The following ECE1 variants were observed in gnomAD, a reference collection of about 807,000 sequenced individuals.
ECE1 encodes the protein endothelin converting enzyme 1, also known as endothelin-converting enzyme 1.
ECE1 carries 35 observed loss-of-function variants against 98.6 expected under a neutral mutation model. The observed-to-expected ratio is 0.35, with a 90% confidence interval of 0.27 to 0.47. ECE1 has a LOEUF of 0.47. ECE1 is among the 20% of genes least tolerant of loss of function. The pLI, the probability that ECE1 is intolerant of heterozygous loss-of-function variation, is 1.00. For synonymous variants in ECE1, 394 were observed against 407.1 expected (o/e 0.97, Z 0.39); for missense variants, 814 against 1,025.3 (o/e 0.79, Z 2.81).
chr1:21,280,797 G>A (rs780367016), intron 2 of ECE1, among the ~76,000 whole-genome samples: 2 of 152,174 alleles, frequency 1.3e-5, no homozygotes, highest in Non-Finnish European at 2.9e-5. Flanking sequence ...CGTGGCCATG[G>A]TTAGGTATTT....
chr1:21,329,635 G>A (rs900918023), intron 1 of ECE1, among the ~76,000 whole-genome samples: 2 of 152,142 alleles, frequency 1.3e-5, no homozygotes, highest in South Asian at 2.1e-4. Context: ...TCATGTGCTC[G>A]GGGCAAACAG....
chr1:21,312,558 T>C (rs1333307377), intron 1 of ECE1, among the ~76,000 whole-genome samples: 6 of 152,192 alleles, frequency 3.9e-5, no homozygotes, highest in Non-Finnish European at 8.8e-5. Context: ...TCAAGGTTAC[T>C]GTGAGCTATG....
At chr1:21,277,365 A>G (rs1347585893) in intron 3 of ECE1, among the ~76,000 whole-genome samples, 1 of 152,162 alleles carries the variant, frequency 6.6e-6, no homozygotes, top group Non-Finnish European at 1.5e-5. Flanking sequence ...ATATCTTTGG[A>G]GCTCCGAGGG....
At chr1:21,304,954 C>T (rs999603352) in intron 1 of ECE1, among the ~76,000 whole-genome samples, 3 of 152,160 alleles carry the variant, frequency 2.0e-5, no homozygotes, top group Admixed American at 6.5e-5. Context: ...AAAATCAGCC[C>T]GGTCCCATCC....
chr1:21,302,474 C>T (rs1447287648), intron 1 of ECE1, among the ~76,000 whole-genome samples: 1 of 152,144 alleles, frequency 6.6e-6, no homozygotes, highest in African/African-American at 2.4e-5. Context: ...TAGGAAAATC[C>T]GTTAATAATG....
intron 1 of ECE1, among the ~76,000 whole-genome samples, chr1:21,336,273 C>A (rs143929848): frequency 0.014 from 2,120 of 152,238 alleles, 32 homozygotes; most frequent in Middle Eastern, 0.037. Flanking sequence ...ACCAGCTACT[C>A]AGGAGGCTGA....
intron 4 of ECE1, among the ~76,000 whole-genome samples, chr1:21,269,203 A>C (rs555525479): frequency 6.6e-6 from 1 of 152,368 alleles, no homozygotes; most frequent in East Asian, 1.9e-4. Flanking sequence ...GAGGTCCCAC[A>C]GCTCTGGGTC....
chr1:21,301,474 G>A (rs1254906192), intron 1 of ECE1, among the ~76,000 whole-genome samples: 6 of 151,530 alleles, frequency 4.0e-5, no homozygotes, highest in African/African-American at 1.2e-4. Context: ...CAGCCTGGGC[G>A]ACAGCGAGAC....
intron 12 of ECE1, among the ~76,000 whole-genome samples, chr1:21,236,425 C>G (rs212502): frequency 0.15 from 23,262 of 152,224 alleles, 4,179 homozygotes; most frequent in African/African-American, 0.44. Context: ...CAAGGCGGGT[C>G]GATCACCTGA....
At chr1:21,236,877 G>C in intron 11 of ECE1, 33 bp from the exon 12 acceptor site, 1 of 1,584,688 alleles carries the variant, frequency 6.3e-7, no homozygotes, top group East Asian at 2.2e-5. Context: ...AGTAAGGTCT[G>C]CGCACTGGTC....
chr1:21,337,100 C>T (rs1639318586), intron 1 of ECE1, among the ~76,000 whole-genome samples: 2 of 152,176 alleles, frequency 1.3e-5, no homozygotes, highest in Admixed American at 1.3e-4. Context: ...AGGAGTTGCA[C>T]TCCTAAGTAT....
intron 2 of ECE1, 190 bp from the exon 3 acceptor site, chr1:21,279,522 C>T (rs2098251920): frequency 2.6e-5 from 38 of 1,460,746 alleles, no homozygotes; most frequent in Non-Finnish European, 3.4e-5. Context: ...CTCAGCTGCT[C>T]GGATCTGCTC....
intron 4 of ECE1, among the ~76,000 whole-genome samples, chr1:21,271,851 G>A (rs1211725648): frequency 1.3e-5 from 2 of 152,186 alleles, no homozygotes; most frequent in South Asian, 2.1e-4. Flanking sequence ...GTGCAAGCCC[G>A]ATCACCGTGA....
intron 1 of ECE1, among the ~76,000 whole-genome samples, chr1:21,295,740 G>A (rs1336545743): frequency 6.6e-6 from 1 of 152,082 alleles, no homozygotes; most frequent in East Asian, 1.9e-4. Flanking sequence ...ATTGCATGTC[G>A]TTTTACTGAA....
Position 21,220,188 on chromosome 1 carries a change from A to G in ECE1, c.2137-57T>C. The G allele has an allele frequency of 6.4e-7, 1 of 1,560,490 alleles. No homozygotes were observed. ...CACTGTGGGGCCCTCGGGCTGCCAG[A>G]CTGCCCCCATTATAACAGCAGGGGA... On this transcript the variant is annotated intron_variant, in intron 18 of 18. Coordinates refer to ENST00000374893, the MANE Select transcript of ECE1 (RefSeq NM_001397.3). The surrounding 1 kb of genome is among the most constrained non-coding windows in gnomAD (Gnocchi z 5.0).
rs1315501356 is a variant in ECE1, at chr1:21,322,982, C to A, written c.3+22394G>T. Among the ~76,000 whole-genome samples, 2 of 152,186 alleles carry A rather than the reference C, an allele frequency of 1.3e-5. No individual in the cohort carries two copies. The highest frequency in any genetic ancestry group is 2.9e-5 in the Non-Finnish European group (2 of 68,036). ...TGCTTACACTTTCCCAAAGCACCCA[C>A]ATGGCAGAGGAGAGTCAACCTGTGC... is the stretch of plus-strand genomic sequence containing the variant. On this transcript the variant is annotated intron_variant, in intron 1 of 18. Coordinates refer to the ECE1 transcript ENST00000415912. This position sits in a 1 kb window ranked among gnomAD's most constrained non-coding sequence, Gnocchi z 4.1.
Position 21,272,823 on chromosome 1 carries a change from A to G in ECE1, c.369T>C (p.His123=). The G allele has an allele frequency of 1.9e-6, 3 of 1,614,258 alleles. No homozygotes were observed. Among genetic ancestry groups the G allele is most frequent in the Non-Finnish European group, 2.5e-6 (3 of 1,180,034 alleles). The stretch of plus-strand genomic sequence containing the variant: ...CCCCACAGGCGTAGCTGAAGAAGTC[A>G]TGGCAGGGGTCCACTGTGGGGTCCA... The part of the protein sequence containing the change: ...SSMDPTVDPC[H]DFFSYACGGW... The change falls in exon 4 of 19, where the codon CAT becomes CAC. Residue 123 remains histidine, a synonymous_variant. Coordinates refer to ENST00000374893, the MANE Select transcript of ECE1 (RefSeq NM_001397.3).
chr1:21,221,243 C>G (rs998662648), intron 18 of ECE1, among the ~76,000 whole-genome samples: 36 of 152,134 alleles, frequency 2.4e-4, no homozygotes, highest in Non-Finnish European at 3.4e-4. Flanking sequence ...GATCTTGGTT[C>G]ACTGCAACCT....
In ECE1 at chr1:21,319,069, G is replaced by A. The variant is rs549217633; in HGVS notation, c.3+26307C>T. Among the ~76,000 whole-genome samples, 1 of 152,312 alleles carries A rather than the reference G, an allele frequency of 6.6e-6. No homozygotes were observed. Among genetic ancestry groups the A allele is most frequent in the African/African-American group, 2.4e-5 (1 of 41,574 alleles). On this transcript the variant is annotated intron_variant, in intron 1 of 18. Transcript: ENST00000415912. The surrounding 1 kb of genome is among the most constrained non-coding windows in gnomAD (Gnocchi z 4.4). ...AGTCAAAATAATAAAGTGAGGCCAG[G>A]CACGGTGGCTCAAGCTCGTAATCCA...
Sources: allele counts gnomAD v4.1 joint callset (sites outside exome capture counted in the v4.1 genomes callset), GRCh38; gene constraint gnomAD v4.1.1; non-coding constraint Gnocchi (gnomAD v3.1); transcripts MANE v1.5; gene names NCBI Gene and HGNC (gene_info 2026-07-23, HGNC 2026-07-21).